ASPRV1: variants seen among roughly 807,000 people sequenced by gnomAD.
ASPRV1 encodes the protein aspartic peptidase retroviral like 1, also known as retroviral-like aspartic protease 1.
ASPRV1 carries 7 observed loss-of-function variants against 11.0 expected under a neutral mutation model. The observed-to-expected ratio is 0.64, with a 90% confidence interval of 0.36 to 1.20. The LOEUF (loss-of-function observed/expected upper bound fraction) is 1.20. Among genes scored for constraint, ASPRV1 ranks in the 50% most tolerant of loss-of-function variants. ASPRV1 has a pLI of 0.02. For missense variants in ASPRV1, 299 were observed against 320.0 expected, an observed-to-expected ratio of 0.93 and a Z score of 0.50; for synonymous variants, 136 against 138.4, an observed-to-expected ratio of 0.98 and a Z score of 0.12.
the ASPRV1 span, among the ~76,000 whole-genome samples, chr2:69,972,758 C>G: frequency 6.6e-6 from 1 of 152,106 alleles, no homozygotes; most frequent in African/African-American, 2.4e-5. Context: ...TCTACTCAGG[C>G]CAAACCTTCA....
At chr2:70,063,305 G>A in the ASPRV1 span, among the ~76,000 whole-genome samples, 1 of 152,054 alleles carries the variant, frequency 6.6e-6, no homozygotes, top group African/African-American at 2.4e-5. Context: ...ACATACCTTC[G>A]GATCCCACCA....
the ASPRV1 span, chr2:69,935,336 G>A: frequency 3.1e-6 from 5 of 1,591,700 alleles, no homozygotes; most frequent in Non-Finnish European, 3.4e-6. Context: ...TGCTACTGTG[G>A]TCTTGTTTTC....
At chr2:70,053,230 G>A in the ASPRV1 span, among the ~76,000 whole-genome samples, 1 of 152,052 alleles carries the variant, frequency 6.6e-6, no homozygotes, top group African/African-American at 2.4e-5. Flanking sequence ...GGTAGCCAGG[G>A]TTCAGATCTA....
At chr2:69,945,710 C>T in the ASPRV1 span, among the ~76,000 whole-genome samples, 1 of 152,162 alleles carries the variant, frequency 6.6e-6, no homozygotes, top group South Asian at 2.1e-4. Context: ...ATGGGACAGG[C>T]GAACCATCTT....
the ASPRV1 span, among the ~76,000 whole-genome samples, chr2:69,997,536 C>T: frequency 6.6e-6 from 1 of 152,180 alleles, no homozygotes; most frequent in Non-Finnish European, 1.5e-5. Flanking sequence ...TGCAAAGTCA[C>T]CATGTCTTGG....
At chr2:69,991,571 G>T in the ASPRV1 span, among the ~76,000 whole-genome samples, 1 of 152,000 alleles carries the variant, frequency 6.6e-6, no homozygotes, top group Admixed American at 6.6e-5. Context: ...TTTTGAGATG[G>T]AGTCTCACTC....
At chr2:69,988,065 T>A in the ASPRV1 span, among the ~76,000 whole-genome samples, 8 of 152,364 alleles carry the variant, frequency 5.3e-5, no homozygotes, top group South Asian at 1.0e-3. Context: ...CCAGTGGGTA[T>A]GTAAAGTAGT....
chr2:70,056,782 G>A, the ASPRV1 span, among the ~76,000 whole-genome samples: 136 of 151,734 alleles, frequency 9.0e-4, no homozygotes, highest in African/African-American at 3.1e-3. Context: ...AGGCTGGAGT[G>A]CAGTGGCACA....
the ASPRV1 span, chr2:70,050,606 T>A: frequency 6.6e-6 from 1 of 152,174 alleles, no homozygotes; most frequent in Admixed American, 6.6e-5. Flanking sequence ...CTATGTTATA[T>A]ATGATAGTCG....
At chr2:70,084,561 TG>T in the ASPRV1 span, among the ~76,000 whole-genome samples, 3 of 152,244 alleles carry the variant, frequency 2.0e-5, no homozygotes, top group African/African-American at 7.2e-5. Context: ...GGAGGTTTTG[TG>T]AGGATTAAAT....
chr2:69,966,676 C>A, the ASPRV1 span, among the ~76,000 whole-genome samples: 35 of 152,314 alleles, frequency 2.3e-4, no homozygotes, highest in Non-Finnish European at 4.6e-4. Flanking sequence ...TGGCTTAGAG[C>A]TGAACACATA....
the ASPRV1 span, among the ~76,000 whole-genome samples, chr2:70,026,071 C>T: frequency 6.6e-6 from 1 of 152,126 alleles, no homozygotes. Context: ...GCCTATAATC[C>T]CAGCACTTTG....
chr2:69,969,153 G>A, the ASPRV1 span, among the ~76,000 whole-genome samples: 1 of 152,162 alleles, frequency 6.6e-6, no homozygotes, highest in African/African-American at 2.4e-5. Context: ...GCAGGTGGAG[G>A]CTGAGGCATA....
the ASPRV1 span, among the ~76,000 whole-genome samples, chr2:69,982,378 C>T: frequency 6.6e-6 from 1 of 152,052 alleles, no homozygotes; most frequent in East Asian, 1.9e-4. Context: ...ATCACTCAAG[C>T]CCAGAAGTTC....
At chr2:69,977,692 G>T in the ASPRV1 span, among the ~76,000 whole-genome samples, 2 of 152,160 alleles carry the variant, frequency 1.3e-5, no homozygotes, top group African/African-American at 4.8e-5. Flanking sequence ...GGCCCCAAAT[G>T]ATCTTTTAGT....
chr2:70,061,126 T>A, the ASPRV1 span, among the ~76,000 whole-genome samples: 2 of 152,124 alleles, frequency 1.3e-5, no homozygotes, highest in Non-Finnish European at 2.9e-5. Context: ...CCGGGCACGG[T>A]GGCTCATGCC....
At chr2:69,992,837 G>T in the ASPRV1 span, among the ~76,000 whole-genome samples, 1 of 152,322 alleles carries the variant, frequency 6.6e-6, no homozygotes, top group South Asian at 2.1e-4. Context: ...GTCAACAATA[G>T]GATGTGCAAT....
the ASPRV1 span, among the ~76,000 whole-genome samples, chr2:69,947,367 A>G: frequency 3.3e-5 from 5 of 152,258 alleles, no homozygotes; most frequent in Non-Finnish European, 7.4e-5. Flanking sequence ...TCCCCTGAAA[A>G]ACAGGTGTGT....
chr2:69,956,400 A>G (rs1376771715), downstream of ASPRV1, among the ~76,000 whole-genome samples: 2 of 150,148 alleles, frequency 1.3e-5, no homozygotes, highest in Non-Finnish European at 2.9e-5. Context: ...TAGGGCAAAA[A>G]AGCAAGACCC....
Sources: gnomAD v4.1 joint callset for allele counts (sites outside exome capture counted in the v4.1 genomes callset) on GRCh38, gnomAD v4.1.1 for gene constraint, MANE v1.5 for transcripts, NCBI Gene and HGNC (gene_info 2026-07-23, HGNC 2026-07-21) for gene names.